The following KIDINS220 variants were observed in gnomAD, a reference collection of about 807,000 sequenced individuals.
KIDINS220 encodes kinase D interacting substrate 220.
A neutral mutation model predicts 157.6 loss-of-function variants in KIDINS220; 63 were observed. The ratio of observed to expected loss-of-function variants is 0.40; its 90% CI spans 0.33 to 0.49. The LOEUF (loss-of-function observed/expected upper bound fraction) is 0.49. KIDINS220 is among the 20% of genes least tolerant of loss of function. The pLI is 0.66. For missense variants in KIDINS220, 1,772 were observed against 2,171.2 expected (o/e 0.82, Z 3.65); for synonymous variants, 732 against 783.6 (o/e 0.93, Z 1.10).
intron 15 of KIDINS220, among the ~76,000 whole-genome samples, chr2:8,787,887 A>G (rs1000817642): frequency 6.6e-6 from 1 of 152,136 alleles, no homozygotes; most frequent in Non-Finnish European, 1.5e-5. Context: ...CTGAGCTGAG[A>G]AAAGCACAGC....
At chr2:8,737,792 G>T (rs908502425) in intron 26 of KIDINS220, among the ~76,000 whole-genome samples, 1 of 152,202 alleles carries the variant, frequency 6.6e-6, no homozygotes, top group Non-Finnish European at 1.5e-5. Flanking sequence ...GGGTGCATCA[G>T]CCTGGTCAAA....
chr2:8,782,482 C>T (rs1049987936), intron 17 of KIDINS220, among the ~76,000 whole-genome samples: 1 of 152,136 alleles, frequency 6.6e-6, no homozygotes, highest in African/African-American at 2.4e-5. Flanking sequence ...ACATAATTTG[C>T]CAAAATTCAC....
intron 4 of KIDINS220, 128 bp from the exon 5 acceptor site, chr2:8,813,463 A>G: frequency 1.6e-6 from 1 of 622,958 alleles, no homozygotes; most frequent in East Asian, 3.0e-5. Context: ...AGTATTATAT[A>G]GTTCTAAATT....
Position 8,778,836 on chromosome 2 carries a change from G to A in KIDINS220, c.2614+60C>T, listed in dbSNP as rs536020870. The A allele has an allele frequency of 6.8e-4, 1,090 of 1,599,392 alleles. 16 individuals carry two copies. In the South Asian group the frequency reaches 0.011, roughly 16 times the overall value. On this transcript the variant is annotated intron_variant, in intron 19 of 29. Transcript: ENST00000256707. ...ATTTTTCAAGGTAAAAAGGAGAGTC[G>A]CCATAAAGAAACTACAAAACTATTT...
At chr2:8,774,541 G>A (rs1245601856) in intron 21 of KIDINS220, among the ~76,000 whole-genome samples, 1 of 152,116 alleles carries the variant, frequency 6.6e-6, no homozygotes, top group East Asian at 1.9e-4. Context: ...TAGAAAAGCT[G>A]ACATTTAAGC....
chr2:8,752,762 A>G (rs927325838), intron 22 of KIDINS220, among the ~76,000 whole-genome samples: 2 of 152,230 alleles, frequency 1.3e-5, no homozygotes, highest in African/African-American at 4.8e-5. Flanking sequence ...TTCCTATTGT[A>G]AAAGTAATAT....
chr2:8,804,467 C>T (rs912334530), intron 7 of KIDINS220, among the ~76,000 whole-genome samples: 2 of 152,182 alleles, frequency 1.3e-5, no homozygotes. Context: ...ACACAACTGG[C>T]ACAGGCTGGG....
intron 17 of KIDINS220, among the ~76,000 whole-genome samples, chr2:8,780,087 A>G (rs947724704): frequency 6.6e-6 from 1 of 152,248 alleles, no homozygotes. Context: ...TGAGTGACTA[A>G]CTTGCCAAGA....
intron 22 of KIDINS220, chr2:8,757,506 TG>T: frequency 7.0e-7 from 1 of 1,418,914 alleles, no homozygotes; most frequent in Non-Finnish European, 9.2e-7. Flanking sequence ...CAGAAGTGAC[TG>T]TACTGTTGTT....
intron 20 of KIDINS220, among the ~76,000 whole-genome samples, chr2:8,778,429 A>C (rs1671257373): frequency 6.6e-6 from 1 of 152,236 alleles, no homozygotes; most frequent in Non-Finnish European, 1.5e-5. Context: ...GGCTGAGAAC[A>C]GGTTGGGACC....
In KIDINS220 at chr2:8,778,710, C is replaced by T. The variant is rs760420103; in HGVS notation, c.2632G>A (p.Asp878Asn). 6.2e-7 allele frequency: 1 copy of T among 1,614,038 alleles called. No homozygotes were observed. Among genetic ancestry groups the T allele is most frequent in the South Asian group, 1.1e-5 (1 of 91,088 alleles). ...AGGCTGTTCTGTGAAACTCTTCTGT[C>T]AGCATCTTCCTGTATCCCTTAAATA... The part of the protein sequence containing the change: ...SDTTGIQEDA[D>N]RRVSQNSLGE... Residue 878 changes from aspartate to asparagine, a missense_variant, in exon 20 of 30, where the codon GAC (aspartate) becomes AAC (asparagine). Asp to Asn is a conservative substitution (Grantham distance 23, BLOSUM62 1). Coordinates refer to ENST00000256707, the MANE Select transcript of KIDINS220 (RefSeq NM_020738.4).
intron 9 of KIDINS220, among the ~76,000 whole-genome samples, chr2:8,799,371 AG>A (rs1464420681): frequency 2.0e-5 from 3 of 151,974 alleles, no homozygotes; most frequent in African/African-American, 7.3e-5. Context: ...CCTGGGCTCA[AG>A]GGATCTTCCC....
chr2:8,748,160 A>T (rs933603929), intron 24 of KIDINS220, among the ~76,000 whole-genome samples, 160 bp from the exon 25 acceptor site: 1 of 152,226 alleles, frequency 6.6e-6, no homozygotes, highest in Non-Finnish European at 1.5e-5. Context: ...AAGATGCTAA[A>T]CTCAAACTTA....
At chr2:8,810,743 G>A (rs140732470) in intron 6 of KIDINS220, among the ~76,000 whole-genome samples, 3,144 of 152,136 alleles carry the variant, frequency 0.021, 111 homozygotes, top group African/African-American at 0.072. Flanking sequence ...CCAAGATCAT[G>A]CCACTGCACT....
intron 26 of KIDINS220, among the ~76,000 whole-genome samples, chr2:8,746,086 C>T (rs921713572): frequency 5.4e-5 from 8 of 149,268 alleles, no homozygotes; most frequent in Admixed American, 3.3e-4. Context: ...TTATTAAGTA[C>T]GAAGTCTTAT....
rs759326886 is a variant in KIDINS220, at chr2:8,731,669, T to C, written c.4367A>G (p.Asp1456Gly). The change falls in exon 30 of 30, where the codon GAT (aspartate) becomes GGT (glycine). Residue 1456 changes from aspartate to glycine, a missense_variant. Around this residue, in one of 3 missense-constraint regions of KIDINS220, gnomAD observed 793 missense variants for 885.5 expected, o/e 0.90. Transcript: ENST00000256707. This position sits in a 1 kb window ranked among gnomAD's most constrained non-coding sequence, Gnocchi z 5.2. ...GRKSFLMKRG[D>G]VIDYSSSGVS... ...CCCTGATGATGAATAATCGATAACA[T>C]CTCCCCTCTTCATTAGAAAGGACTT... 2 of 1,614,196 alleles carry C rather than the reference T, an allele frequency of 1.2e-6. No homozygotes were observed. Among genetic ancestry groups the C allele is most frequent in the Non-Finnish European group, 1.7e-6 (2 of 1,180,036 alleles).
chr2:8,744,388 A>ATATATCTATATATCTATATATATATATCT (rs1558328231), intron 26 of KIDINS220, among the ~76,000 whole-genome samples: 1 of 26,160 alleles, frequency 3.8e-5, no homozygotes, highest in Non-Finnish European at 5.9e-5. Flanking sequence ...AAAAAAAAAA[A>ATATATCTATATATCTATATATATATATCT]ATATATATAT....
intron 22 of KIDINS220, chr2:8,757,826 C>T (rs1462798293): frequency 6.8e-7 from 1 of 1,478,960 alleles, no homozygotes; most frequent in East Asian, 2.3e-5. Flanking sequence ...TGGCTCTGTC[C>T]TCCTAAATCC....
At chr2:8,750,472 AAAG>A in intron 23 of KIDINS220, 137 bp from the exon 24 acceptor site, 1 of 561,482 alleles carries the variant, frequency 1.8e-6, no homozygotes. Flanking sequence ...CTAGATTAAA[AAAG>A]AAGACAGAAA....
Sources: allele counts gnomAD v4.1 joint callset (sites outside exome capture counted in the v4.1 genomes callset), GRCh38; gene constraint gnomAD v4.1.1; regional missense constraint gnomAD v4.1.1; non-coding constraint Gnocchi (gnomAD v3.1); transcripts MANE v1.5; gene names NCBI Gene and HGNC (gene_info 2026-07-23, HGNC 2026-07-21).